Variants in PTPN2 observed in about 807,000 individuals in gnomAD.
PTPN2 encodes tyrosine-protein phosphatase non-receptor type 2.
A neutral mutation model predicts 57.3 loss-of-function variants in PTPN2; 19 were observed. That is an observed-to-expected ratio of 0.33 (90% CI 0.23 to 0.49). PTPN2 has a LOEUF of 0.49. PTPN2 is among the 20% of genes least tolerant of loss of function. PTPN2 has a pLI of 0.99. For missense variants in PTPN2, 358 were observed against 501.1 expected, an observed-to-expected ratio of 0.71 and a Z score of 2.73; for synonymous variants, 153 against 164.9, an observed-to-expected ratio of 0.93 and a Z score of 0.55.
chr18:12,818,666 T>G (rs991811784), intron 5 of PTPN2, among the ~76,000 whole-genome samples: 2 of 152,172 alleles, frequency 1.3e-5, no homozygotes, highest in Admixed American at 6.5e-5. Context: ...GAGGTTTTTT[T>G]TTTTTGAGGG....
intron 1 of PTPN2, among the ~76,000 whole-genome samples, chr18:12,877,899 G>A (rs1380187828): frequency 2.6e-5 from 4 of 152,026 alleles, no homozygotes; most frequent in Non-Finnish European, 5.9e-5. Flanking sequence ...TAGTGTTGGC[G>A]GGCGCCTGTA....
chr18:12,871,955 G>A (rs543934107), intron 1 of PTPN2, among the ~76,000 whole-genome samples: 4 of 152,118 alleles, frequency 2.6e-5, no homozygotes, highest in South Asian at 2.1e-4. Context: ...GGCTGAGGCA[G>A]GAGAATCGCT....
In PTPN2 at chr18:12,817,832, C is replaced by CT. The variant is rs370476001; in HGVS notation, c.496-468dup. Among the ~76,000 whole-genome samples the CT allele has an allele frequency of 3.4e-3, 523 of 152,262 alleles. 1 individual carries two copies. The highest frequency in any genetic ancestry group is 5.7e-3 in the Non-Finnish European group (391 of 68,026). The stretch of plus-strand genomic sequence containing the variant: ...CTTTAATTCATGTATCATGAATGGG[C>CT]TATTTTTTTCTATTTTAAAAAATTT... On this transcript the variant is annotated intron_variant, in intron 5 of 8. Transcript: ENST00000309660.
intron 4 of PTPN2, 91 bp from the exon 5 acceptor site, chr18:12,826,035 C>T (rs180764960): frequency 3.9e-6 from 4 of 1,037,940 alleles, no homozygotes; most frequent in South Asian, 1.9e-5. Context: ...CAGATATATA[C>T]ATGCTATATT....
chr18:12,790,297 C>T (rs1446206509), downstream of PTPN2, among the ~76,000 whole-genome samples: 1 of 152,138 alleles, frequency 6.6e-6, no homozygotes, highest in Non-Finnish European at 1.5e-5. Flanking sequence ...GTACAACAAC[C>T]AGGCAGGCAA....
downstream of PTPN2, among the ~76,000 whole-genome samples, chr18:12,789,786 T>G (rs1461294544): frequency 6.6e-6 from 1 of 152,204 alleles, no homozygotes; most frequent in East Asian, 1.9e-4. Context: ...TAGACTACAT[T>G]TTTAAAAAAC....
Position 12,817,269 on chromosome 18 carries a change from T to C in PTPN2, c.592A>G (p.Lys198Glu), listed in dbSNP as rs2042111289. Residue 198 changes from lysine to glutamate, a missense_variant, in exon 6 of 9, where the codon AAA (lysine) becomes GAA (glutamate). Lys to Glu is a moderately conservative substitution (Grantham distance 56). Around this residue, in one of 4 missense-constraint regions of PTPN2, gnomAD observed 193 missense variants for 315.4 expected, o/e 0.61. Coordinates refer to ENST00000309660, the MANE Select transcript of PTPN2 (RefSeq NM_002828.4). The stretch of plus-strand genomic sequence containing the variant: ...TTCAAGGAGCCAGATTCTCTCACTT[T>C]AAACAAGAAATTGAGAAATGAAGCT... Reference protein sequence around the residue: ...SPASFLNFLFKVRESGSLNPD... With the variant: ...SPASFLNFLFEVRESGSLNPD... 6.2e-7 allele frequency: 1 copy of C among 1,614,034 alleles called. No homozygotes were observed. Among genetic ancestry groups the C allele is most frequent in the African/African-American group, 1.3e-5 (1 of 74,914 alleles).
At chr18:12,883,874 T>C in intron 1 of PTPN2, 199 bp downstream of exon 1, 1 of 426,520 alleles carries the variant, frequency 2.3e-6, no homozygotes. Context: ...AGTATGCTTT[T>C]TTTTTTTTTT....
intron 2 of PTPN2, among the ~76,000 whole-genome samples, chr18:12,853,959 C>A (rs143773112): frequency 6.6e-6 from 1 of 152,074 alleles, no homozygotes; most frequent in Admixed American, 6.6e-5. Context: ...GAAGTGGGAA[C>A]AGAAGGGAAA....
intron 3 of PTPN2, among the ~76,000 whole-genome samples, chr18:12,832,584 C>A (rs2042708539): frequency 6.6e-6 from 1 of 152,170 alleles, no homozygotes; most frequent in African/African-American, 2.4e-5. Flanking sequence ...CCTCACTCAA[C>A]TTATTTTTCT....
chr18:12,859,272 A>T lies in PTPN2; in HGVS notation c.70-18T>A, dbSNP rs980180893. On this transcript the variant is annotated intron_variant, in intron 1 of 8. Coordinates refer to ENST00000309660, the MANE Select transcript of PTPN2 (RefSeq NM_002828.4). ...CGAATTTCCTTAAAATAACAAAAAT[A>T]TATTTTAATATCCCTCTTAAATTCT... 6.7e-7 allele frequency: 1 copy of T among 1,490,286 alleles called. No individual in the cohort carries two copies. Among genetic ancestry groups the T allele is most frequent in the Non-Finnish European group, 9.3e-7 (1 of 1,077,566 alleles). 92.3% of individuals were successfully genotyped at this position (1,490,286 alleles called of 1,614,324 possible). A position where few individuals can be genotyped will look rare whatever the true frequency, so the allele number is the denominator to read the frequency against.
intron 9 of PTPN2, chr18:12,785,874 C>T (rs768571772): frequency 6.4e-7 from 1 of 1,564,200 alleles, no homozygotes; most frequent in Non-Finnish European, 8.8e-7. Context: ...GTCATCTATT[C>T]AATTCATATT....
chr18:12,800,373 G>A lies in PTPN2; in HGVS notation c.1040+1597C>T, dbSNP rs529756918. On this transcript the variant is annotated intron_variant, in intron 8 of 8. Transcript: ENST00000309660. ...AGTACTAGATAAAAGGGGGGAAAAAGCAGTAACACTAGGAATCTGAAAGCC... is the reference window on the plus strand; with the variant it reads ...AGTACTAGATAAAAGGGGGGAAAAAACAGTAACACTAGGAATCTGAAAGCC... Among the ~76,000 whole-genome samples, 7 of 152,128 alleles carry A rather than the reference G, an allele frequency of 4.6e-5. No individual in the cohort carries two copies. In the East Asian group the frequency reaches 9.7e-4, roughly 21 times the overall value.
chr18:12,828,903 A>AT (rs2042569793), intron 4 of PTPN2, among the ~76,000 whole-genome samples: 2 of 151,974 alleles, frequency 1.3e-5, no homozygotes, highest in Non-Finnish European at 2.9e-5. Context: ...CAGCAAAAAA[A>AT]ATTTTTTTTT....
chr18:12,874,057 GC>G (rs2044376801), intron 1 of PTPN2, among the ~76,000 whole-genome samples: 1 of 150,398 alleles, frequency 6.6e-6, no homozygotes, highest in Non-Finnish European at 1.5e-5. Context: ...CCCGGCAGCC[GC>G]CCCGTCTGAG....
At chr18:12,873,306 C>CCTCTCT (rs1389334712) in intron 1 of PTPN2, among the ~76,000 whole-genome samples, 2 of 149,444 alleles carry the variant, frequency 1.3e-5, no homozygotes, top group South Asian at 2.1e-4. Context: ...TCTCCCTCTC[C>CCTCTCT]CTCTCTTTCC....
At chr18:12,826,130 C>T (rs761054716) in intron 4 of PTPN2, among the ~76,000 whole-genome samples, 186 bp from the exon 5 acceptor site, 22 of 152,278 alleles carry the variant, frequency 1.4e-4, no homozygotes, top group South Asian at 6.2e-4. Context: ...TAGCCGGGCG[C>T]GGTGACTCAC....
At chr18:12,802,833 T>G (rs2041483293) in intron 7 of PTPN2, among the ~76,000 whole-genome samples, 1 of 152,200 alleles carries the variant, frequency 6.6e-6, no homozygotes, top group African/African-American at 2.4e-5. Flanking sequence ...TTATTACCAC[T>G]AGACTAGCCT....
chr18:12,793,175 A>G lies in PTPN2; in HGVS notation c.*1103T>C, dbSNP rs2041035374. 2 of 985,150 alleles carry G rather than the reference A, an allele frequency of 2.0e-6. No individual in the cohort carries two copies. The highest frequency in any genetic ancestry group is 1.1e-4 in the East Asian group (1 of 8,942). 61.0% of individuals were successfully genotyped at this position (985,150 alleles called of 1,614,324 possible). A position where few individuals can be genotyped will look rare whatever the true frequency, so the allele number is the denominator to read the frequency against. On this transcript the variant is annotated 3_prime_UTR_variant, in exon 9 of 9. Transcript: ENST00000309660. Reference sequence around the variant, plus strand: ...GGAATGTTGAAATCTGAGGAAAGCTAGCATTCAAATGAGCAGTTAAATTCA... The same window carrying G: ...GGAATGTTGAAATCTGAGGAAAGCTGGCATTCAAATGAGCAGTTAAATTCA...
Sources: allele counts gnomAD v4.1 joint callset (sites outside exome capture counted in the v4.1 genomes callset), GRCh38; gene constraint gnomAD v4.1.1; regional missense constraint gnomAD v4.1.1; transcripts MANE v1.5; gene names NCBI Gene and HGNC (gene_info 2026-07-23, HGNC 2026-07-21).